Variants in SLIT1 observed in about 807,000 individuals in gnomAD.
SLIT1 encodes slit guidance ligand 1.
SLIT1 carries 66 observed loss-of-function variants against 186.1 expected under a neutral mutation model. That is an observed-to-expected ratio of 0.35 (90% CI 0.29 to 0.44). The LOEUF is 0.44. Among genes scored for constraint, SLIT1 ranks in the 20% least tolerant of loss-of-function variants. The pLI is 1.00. For synonymous variants in SLIT1, 761 were observed against 833.8 expected (o/e 0.91, Z 1.50); for missense variants, 1,638 against 2,037.4 (o/e 0.80, Z 3.77).
At chr10:97,078,595 G>A (rs1003942486) in intron 4 of SLIT1, among the ~76,000 whole-genome samples, 1 of 152,202 alleles carries the variant, frequency 6.6e-6, no homozygotes, top group Non-Finnish European at 1.5e-5. Context: ...GCAGCTCAGA[G>A]GCTAGAGTCC....
At position 97,057,201 on chromosome 10, in the gene SLIT1, C is replaced by T. The variant is rs540080819; in HGVS notation, c.1157+9G>A. On this transcript the variant is annotated intron_variant, in intron 12 of 36. Transcript: ENST00000266058. ...GGTCCCACCCAAGACACCCAGGATT[C>T]GTTCTTACAGGAGCTGTAGGGTGTA... The T allele has an allele frequency of 1.9e-5, 30 of 1,612,156 alleles. No homozygotes were observed. In the South Asian group the frequency reaches 2.0e-4, roughly 11 times the overall value.
chr10:97,054,137 C>T (rs953854428), intron 13 of SLIT1, among the ~76,000 whole-genome samples: 3 of 149,684 alleles, frequency 2.0e-5, no homozygotes, highest in African/African-American at 4.9e-5. Flanking sequence ...TGGCAGAAGG[C>T]GAAGCAAGAC....
chr10:97,024,864 T>A (rs549342298), intron 25 of SLIT1, among the ~76,000 whole-genome samples: 1 of 152,316 alleles, frequency 6.6e-6, no homozygotes, highest in South Asian at 2.1e-4. Flanking sequence ...AGATGAAATC[T>A]GAGGCCCTGT....
intron 4 of SLIT1, among the ~76,000 whole-genome samples, chr10:97,091,043 G>A (rs2817688): frequency 0.74 from 112,889 of 152,242 alleles, 42,619 homozygotes; most frequent in East Asian, 0.85. Flanking sequence ...GAGATCATTC[G>A]TTGACATCAG....
intron 4 of SLIT1, among the ~76,000 whole-genome samples, chr10:97,137,738 A>C (rs1849716422): frequency 6.6e-6 from 1 of 152,014 alleles, no homozygotes; most frequent in Non-Finnish European, 1.5e-5. Context: ...GGTGTGCCCC[A>C]CCATCCCCAG....
intron 4 of SLIT1, among the ~76,000 whole-genome samples, chr10:97,117,716 T>G (rs1195798592): frequency 6.6e-6 from 1 of 152,246 alleles, no homozygotes; most frequent in African/African-American, 2.4e-5. Flanking sequence ...TACCAGCAAC[T>G]ATTTTGAAAA....
In SLIT1 at chr10:97,043,606, C is replaced by T. The variant is rs895283866; in HGVS notation, c.1854-93G>A. 41 of 1,217,498 alleles carry T rather than the reference C, an allele frequency of 3.4e-5. No individual in the cohort carries two copies. Among genetic ancestry groups the T allele is most frequent in the Non-Finnish European group, 4.6e-5 (39 of 852,280 alleles). 75.4% of individuals were successfully genotyped at this position (1,217,498 alleles called of 1,614,324 possible). A position where few individuals can be genotyped will look rare whatever the true frequency, so the allele number is the denominator to read the frequency against. ...AGCTTCCGCCATCGTGGCTCGTTCACAGTTCTCCTCCATAGGCTGCGAGCC... is the reference window on the plus strand; with the variant it reads ...AGCTTCCGCCATCGTGGCTCGTTCATAGTTCTCCTCCATAGGCTGCGAGCC... On this transcript the variant is annotated intron_variant, in intron 18 of 36. Transcript: ENST00000266058. This position sits in a 1 kb window ranked among gnomAD's most constrained non-coding sequence, Gnocchi z 7.0.
intron 25 of SLIT1, among the ~76,000 whole-genome samples, chr10:97,024,155 T>C (rs1292303647): frequency 1.3e-5 from 2 of 152,304 alleles, no homozygotes; most frequent in East Asian, 3.9e-4. Context: ...TGCCTTGCCA[T>C]TTTCCACCTG....
chr10:97,163,546 A>G, intron 2 of SLIT1, 95 bp from the exon 3 acceptor site: 1 of 998,556 alleles, frequency 1.0e-6, no homozygotes, highest in South Asian at 1.3e-5. Context: ...AACCTCTGCC[A>G]GGGCAGCATT....
intron 25 of SLIT1, among the ~76,000 whole-genome samples, chr10:97,027,614 C>G (rs1185928665): frequency 6.6e-6 from 1 of 152,200 alleles, no homozygotes. Context: ...CTGATCTTTA[C>G]TTATTGGTTT....
chr10:97,023,786 T>C (rs1001870751), intron 25 of SLIT1, among the ~76,000 whole-genome samples: 5 of 151,900 alleles, frequency 3.3e-5, no homozygotes, highest in East Asian at 1.9e-4. Flanking sequence ...CTACTAAAAG[T>C]ACAAAAATTA....
chr10:97,055,033 T>C (rs1848824338), intron 13 of SLIT1, among the ~76,000 whole-genome samples: 1 of 152,096 alleles, frequency 6.6e-6, no homozygotes, highest in African/African-American at 2.4e-5. Context: ...CTGGCCAACA[T>C]GGTGAAACCC....
chr10:97,140,396 G>A (rs1240777705), intron 4 of SLIT1, among the ~76,000 whole-genome samples: 1 of 152,028 alleles, frequency 6.6e-6, no homozygotes, highest in Non-Finnish European at 1.5e-5. Flanking sequence ...CCTCTCTCCT[G>A]TTCCCCTCCC....
intron 7 of SLIT1, 37 bp from the exon 8 acceptor site, chr10:97,063,655 T>C: frequency 6.4e-7 from 1 of 1,551,978 alleles, no homozygotes; most frequent in Non-Finnish European, 8.7e-7. Context: ...CCCATCTGGA[T>C]CCCCCAGCCC....
chr10:97,049,300 G>A (rs916094841), intron 13 of SLIT1, among the ~76,000 whole-genome samples, 182 bp from the exon 14 acceptor site: 2 of 152,166 alleles, frequency 1.3e-5, no homozygotes, highest in African/African-American at 2.4e-5. Flanking sequence ...CACCACCTCT[G>A]GAGAGGTCCT....
intron 8 of SLIT1, 50 bp downstream of exon 8, chr10:97,063,405 A>T: frequency 6.2e-7 from 1 of 1,600,154 alleles, no homozygotes; most frequent in Non-Finnish European, 8.6e-7. Flanking sequence ...AACAAGAGGC[A>T]GGGCAGGAGG....
At chr10:97,014,974 C>T (rs1279616082) in intron 28 of SLIT1, among the ~76,000 whole-genome samples, 1 of 152,092 alleles carries the variant, frequency 6.6e-6, no homozygotes, top group Non-Finnish European at 1.5e-5. Context: ...GAGCAAAGGG[C>T]TGCGGTGAGC....
At chr10:97,039,699 G>A (rs1848673387) in intron 21 of SLIT1, among the ~76,000 whole-genome samples, 1 of 152,260 alleles carries the variant, frequency 6.6e-6, no homozygotes, top group Non-Finnish European at 1.5e-5. Context: ...ACAATGACAG[G>A]CGGGAAAGCA....
chr10:97,013,955 A>G, intron 29 of SLIT1, 64 bp downstream of exon 29: 3 of 1,593,356 alleles, frequency 1.9e-6, no homozygotes, highest in Non-Finnish European at 1.7e-6. Context: ...ACTCCCGAGC[A>G]TGGGGGCTCA....
Sources: allele counts gnomAD v4.1 joint callset (sites outside exome capture counted in the v4.1 genomes callset), GRCh38; gene constraint gnomAD v4.1.1; non-coding constraint Gnocchi (gnomAD v3.1); transcripts MANE v1.5; gene names NCBI Gene and HGNC (gene_info 2026-07-23, HGNC 2026-07-21).